Variants in NT5C2 observed in about 807,000 individuals in gnomAD.
The protein encoded by NT5C2 is cytosolic purine 5'-nucleotidase.
In NT5C2, 58 loss-of-function variants were observed where a neutral mutation model predicts 76.1. That is an observed-to-expected ratio of 0.76 (90% CI 0.62 to 0.95). The LOEUF (loss-of-function observed/expected upper bound fraction) is 0.95. Among genes scored for constraint, NT5C2 ranks in the 40% least tolerant of loss-of-function variants. NT5C2 has a pLI of 0.00. For missense variants in NT5C2, 478 were observed against 690.3 expected (o/e 0.69, Z 3.45); for synonymous variants, 229 against 237.4 (o/e 0.96, Z 0.32).
intron 4 of NT5C2, among the ~76,000 whole-genome samples, chr10:103,114,011 G>A (rs1442037534): frequency 6.6e-6 from 1 of 152,256 alleles, no homozygotes; most frequent in African/African-American, 2.4e-5. Flanking sequence ...AGAGGAGGAA[G>A]TGGCTACTCA....
chr10:103,088,556 T>C lies in NT5C2; in HGVS notation c.*1116A>G, dbSNP rs2065985736. The stretch of plus-strand genomic sequence containing the variant: ...GCATGCACCACCACGCCCAGGTAAT[T>C]TTGTATTTTTAGTAGAGATGGGGTT... On this transcript the variant is annotated 3_prime_UTR_variant, in exon 19 of 19. Transcript: ENST00000404739. The C allele has an allele frequency of 6.5e-6, 1 of 153,150 alleles. No individual in the cohort carries two copies. Among genetic ancestry groups the C allele is most frequent in the Admixed American group, 6.5e-5 (1 of 15,296 alleles). 9.5% of individuals were successfully genotyped at this position (153,150 alleles called of 1,614,324 possible). A position where few individuals can be genotyped will look rare whatever the true frequency, so the allele number is the denominator to read the frequency against.
intron 3 of NT5C2, chr10:103,140,267 T>C (rs1002286236): frequency 2.0e-5 from 3 of 152,152 alleles, no homozygotes; most frequent in Non-Finnish European, 4.4e-5. Context: ...TTTTTGATTG[T>C]TTTTTAGATT....
chr10:103,143,184 A>C (rs1434478024), intron 3 of NT5C2, among the ~76,000 whole-genome samples: 1 of 152,118 alleles, frequency 6.6e-6, no homozygotes, highest in Non-Finnish European at 1.5e-5. Context: ...GGAAATTAGA[A>C]TGATATAGAT....
chr10:103,143,620 TTTTTTTTTTTTTG>T (rs2080958750), intron 3 of NT5C2, among the ~76,000 whole-genome samples: 1 of 141,140 alleles, frequency 7.1e-6, no homozygotes, highest in Admixed American at 7.2e-5. Flanking sequence ...TTTTTTTTTT[TTTTTTTTTTTTTG>T]TAGAGATGGC....
At chr10:103,183,441 C>T (rs762038888) in intron 1 of NT5C2, among the ~76,000 whole-genome samples, 7 of 146,490 alleles carry the variant, frequency 4.8e-5, no homozygotes, top group Non-Finnish European at 1.0e-4. Context: ...CCCCAAATCC[C>T]TCTCAATATT....
chr10:103,134,632 G>A (rs769816298), intron 4 of NT5C2, among the ~76,000 whole-genome samples: 28 of 152,210 alleles, frequency 1.8e-4, no homozygotes, highest in Non-Finnish European at 3.5e-4. Context: ...CCCACACAGA[G>A]TCCCTACTAG....
At chr10:103,130,317 G>A (rs1387181907) in intron 4 of NT5C2, among the ~76,000 whole-genome samples, 6 of 151,604 alleles carry the variant, frequency 4.0e-5, no homozygotes, top group African/African-American at 7.3e-5. Flanking sequence ...GATTAAGGGC[G>A]GTGCAAGATG....
chr10:103,130,279 A>T (rs1446472158), intron 4 of NT5C2, among the ~76,000 whole-genome samples: 2 of 151,996 alleles, frequency 1.3e-5, no homozygotes, highest in South Asian at 2.1e-4. Flanking sequence ...TCTCTGAAAC[A>T]TGCGCTGTGT....
In NT5C2 at chr10:103,181,337, A is replaced by AT. The variant is rs1391035103; in HGVS notation, c.-168-10_-168-9insA. The AT allele has an allele frequency of 6.7e-6, 1 of 148,840 alleles. No homozygotes were observed. Among genetic ancestry groups the AT allele is most frequent in the Non-Finnish European group, 1.5e-5 (1 of 67,010 alleles). The allele number at this position is 148,840 out of a possible 1,614,324, so 9.2% of individuals were successfully genotyped here. A position where few individuals can be genotyped will look rare whatever the true frequency, so the allele number is the denominator to read the frequency against. On this transcript the variant is annotated splice_polypyrimidine_tract_variant and intron_variant, in intron 1 of 18. Coordinates refer to ENST00000404739, the MANE Select transcript of NT5C2 (RefSeq NM_001351169.2). ...GGCAGCAGAGCGAAACTCTGTCTCA[A>AT]AAAAAAAAAAAATAATAATTCACAG...
chr10:103,183,291 A>ATATATATATATTATATATATATATATC (rs1554841794), intron 1 of NT5C2, among the ~76,000 whole-genome samples: 4,283 of 128,036 alleles, frequency 0.033, 194 homozygotes, highest in East Asian at 0.17. Context: ...ATATATATAT[A>ATATATATATATTATATATATATATATC]TATCACACAC....
Position 103,120,815 on chromosome 10 carries a change from G to A in NT5C2, c.176-14109C>T, listed in dbSNP as rs142462435. 7.5e-4 allele frequency among the ~76,000 whole-genome samples: 114 copies of A among 152,224 alleles called. 1 individual carries two copies. Among genetic ancestry groups the A allele is most frequent in the African/African-American group, 2.7e-3 (111 of 41,516 alleles). On this transcript the variant is annotated intron_variant, in intron 4 of 18. Coordinates refer to ENST00000404739, the MANE Select transcript of NT5C2 (RefSeq NM_001351169.2). The stretch of plus-strand genomic sequence containing the variant: ...TATATACCCAAAACAACTGAAAGCA[G>A]GAAGCAGGAACTCAAACAGATGCTT...
chr10:103,141,803 G>A (rs537867989), intron 3 of NT5C2, among the ~76,000 whole-genome samples: 1 of 152,286 alleles, frequency 6.6e-6, no homozygotes, highest in South Asian at 2.1e-4. Context: ...GACTGTACCA[G>A]CCCTCATGAA....
intron 11 of NT5C2, among the ~76,000 whole-genome samples, chr10:103,096,880 A>AATT (rs1454784282): frequency 2.5e-4 from 38 of 151,006 alleles, no homozygotes; most frequent in African/African-American, 8.8e-4. Flanking sequence ...AAGATATATA[A>AATT]ATTTTGACAG....
At chr10:103,102,222 A>T (rs2069898018) in intron 6 of NT5C2, among the ~76,000 whole-genome samples, 1 of 152,096 alleles carries the variant, frequency 6.6e-6, no homozygotes, top group Non-Finnish European at 1.5e-5. Context: ...AGGCTTGTAT[A>T]GCAGCAAATG....
intron 2 of NT5C2, among the ~76,000 whole-genome samples, chr10:103,179,912 A>T (rs1027070115): frequency 1.3e-5 from 2 of 152,208 alleles, no homozygotes; most frequent in Non-Finnish European, 2.9e-5. Flanking sequence ...TAAAAAACTA[A>T]AACAAAATTG....
chr10:103,091,502 A>G, intron 16 of NT5C2, 62 bp downstream of exon 16: 1 of 1,299,650 alleles, frequency 7.7e-7, no homozygotes, highest in Non-Finnish European at 1.1e-6. Context: ...TGGAAAGAAC[A>G]TTTCTTATAT....
chr10:103,136,028 A>G (rs982918891), intron 4 of NT5C2, among the ~76,000 whole-genome samples: 2 of 152,232 alleles, frequency 1.3e-5, no homozygotes, highest in African/African-American at 4.8e-5. Flanking sequence ...CACAGGTTGC[A>G]GTGAGCCAGG....
intron 3 of NT5C2, among the ~76,000 whole-genome samples, chr10:103,152,507 T>G (rs2082578576): frequency 6.6e-6 from 1 of 152,110 alleles, no homozygotes; most frequent in Non-Finnish European, 1.5e-5. Flanking sequence ...TCAAATTTTC[T>G]TACAGAACAA....
chr10:103,108,103 C>T (rs144567846), intron 4 of NT5C2, among the ~76,000 whole-genome samples: 18 of 151,458 alleles, frequency 1.2e-4, no homozygotes, highest in African/African-American at 4.1e-4. Flanking sequence ...TGCAGTGAGC[C>T]GAGACCGTGC....
Sources: gnomAD v4.1 joint callset for allele counts (sites outside exome capture counted in the v4.1 genomes callset) on GRCh38, gnomAD v4.1.1 for gene constraint, MANE v1.5 for transcripts, NCBI Gene and HGNC (gene_info 2026-07-23, HGNC 2026-07-21) for gene names.